The following LRMDA variants were observed in gnomAD, a reference collection of about 807,000 sequenced individuals.
LRMDA encodes the protein leucine-rich melanocyte differentiation-associated protein.
In LRMDA, 18 loss-of-function variants were observed where a neutral mutation model predicts 29.8. The ratio of observed to expected loss-of-function variants is 0.60; its 90% CI spans 0.42 to 0.90. The LOEUF (loss-of-function observed/expected upper bound fraction) is 0.90. LRMDA is among the 40% of genes least tolerant of loss of function. The pLI is 0.00. For synonymous variants in LRMDA, 125 were observed against 109.4 expected (o/e 1.14, Z -0.89); for missense variants, 273 against 273.9 (o/e 1.00, Z 0.02).
chr10:76,404,170 C>T (rs534191185), intron 6 of LRMDA, among the ~76,000 whole-genome samples: 4 of 152,242 alleles, frequency 2.6e-5, no homozygotes, highest in East Asian at 1.9e-4. Context: ...TCACATAGCA[C>T]GAGATAATTC....
chr10:75,553,190 T>C (rs1045152556), intron 2 of LRMDA, among the ~76,000 whole-genome samples: 1 of 152,140 alleles, frequency 6.6e-6, no homozygotes, highest in Non-Finnish European at 1.5e-5. Context: ...TGCTTGGAAA[T>C]GGAGACTCTT....
At position 76,376,865 on chromosome 10, in the gene LRMDA, CTTTTTTTTTTTTTTTTTTTTTTTTTTTTT is replaced by C. The variant is rs71024600; in HGVS notation, c.601+52390_601+52418del. Among the ~76,000 whole-genome samples, 2 of 47,374 alleles carry C rather than the reference CTTTTTTTTTTTTTTTTTTTTTTTTTTTTT, an allele frequency of 4.2e-5. 1 individual carries two copies. Among genetic ancestry groups the C allele is most frequent in the Admixed American group, 5.5e-4 (2 of 3,630 alleles). 31.1% of individuals were successfully genotyped at this position (47,374 alleles called of 152,430 possible). A position where few individuals can be genotyped will look rare whatever the true frequency, so the allele number is the denominator to read the frequency against. Reference sequence around the variant, plus strand: ...AAATGTTTGTTGGGCACTTGGAAGTCTTTTTTTTTTTTTTTTTTTTTTTTTTTTTTTTTTTTTTGAGACGTAGTCTCGCT... The same window carrying C: ...AAATGTTTGTTGGGCACTTGGAAGTCTTTTTTTTTGAGACGTAGTCTCGCT... On this transcript the variant is annotated intron_variant, in intron 6 of 6. Coordinates refer to ENST00000611255, the MANE Select transcript of LRMDA (RefSeq NM_001305581.2).
At chr10:75,758,717 T>A (rs181469345) in intron 2 of LRMDA, among the ~76,000 whole-genome samples, 178 of 152,338 alleles carry the variant, frequency 1.2e-3, no homozygotes, top group African/African-American at 3.9e-3. Flanking sequence ...GCATGGAGTG[T>A]GGAATAAAAA....
chr10:76,555,674 A>C (rs1338763421), intron 6 of LRMDA, among the ~76,000 whole-genome samples: 2 of 152,000 alleles, frequency 1.3e-5, no homozygotes, highest in East Asian at 1.9e-4. Flanking sequence ...GTGGAGAAAC[A>C]TCTCTTTTAC....
chr10:76,549,014 A>T (rs1411825579), intron 6 of LRMDA, among the ~76,000 whole-genome samples: 2 of 152,178 alleles, frequency 1.3e-5, no homozygotes, highest in African/African-American at 4.8e-5. Context: ...TCAGACTTGG[A>T]CCAGCTTTTC....
chr10:76,067,168 C>T (rs1005572436), intron 5 of LRMDA, among the ~76,000 whole-genome samples: 4 of 152,172 alleles, frequency 2.6e-5, no homozygotes, highest in African/African-American at 7.2e-5. Context: ...CACAACATCT[C>T]GAAAATGTTC....
intron 2 of LRMDA, among the ~76,000 whole-genome samples, chr10:75,808,798 A>G (rs972653563): frequency 6.6e-6 from 1 of 152,090 alleles, no homozygotes. Context: ...ATGAGCCACT[A>G]TGCCTGGCCT....
chr10:76,545,401 A>AC (rs1843408179), intron 6 of LRMDA, among the ~76,000 whole-genome samples: 2 of 150,758 alleles, frequency 1.3e-5, no homozygotes, highest in Non-Finnish European at 3.0e-5. Flanking sequence ...CTGCAGGAGG[A>AC]CCCCCACTGC....
At chr10:76,513,885 T>G (rs1843033771) in intron 6 of LRMDA, among the ~76,000 whole-genome samples, 1 of 151,936 alleles carries the variant, frequency 6.6e-6, no homozygotes, top group African/African-American at 2.4e-5. Context: ...GGTGACTGTT[T>G]GTGACACAAT....
chr10:75,764,061 C>T (rs984896087), intron 2 of LRMDA, among the ~76,000 whole-genome samples: 4 of 152,060 alleles, frequency 2.6e-5, no homozygotes, highest in Admixed American at 6.6e-5. Flanking sequence ...CATGGAGACC[C>T]GGCTGAGGGT....
chr10:75,819,981 T>TGTA, intron 2 of LRMDA, among the ~76,000 whole-genome samples: 1 of 152,188 alleles, frequency 6.6e-6, no homozygotes, highest in Non-Finnish European at 1.5e-5. Flanking sequence ...ATTCTAAATA[T>TGTA]ACATGCACCA....
chr10:76,486,476 T>G (rs1243058787), intron 6 of LRMDA, among the ~76,000 whole-genome samples: 2 of 152,008 alleles, frequency 1.3e-5, no homozygotes, highest in South Asian at 2.1e-4. Context: ...ATTCTGCATC[T>G]TATGCCATAT....
chr10:75,843,776 G>A (rs1844584882), intron 2 of LRMDA, among the ~76,000 whole-genome samples: 1 of 152,154 alleles, frequency 6.6e-6, no homozygotes, highest in Admixed American at 6.5e-5. Flanking sequence ...GAATCTTTAA[G>A]GTTGTTATAC....
At chr10:76,321,880 G>A (rs971315442) in intron 5 of LRMDA, among the ~76,000 whole-genome samples, 4 of 152,138 alleles carry the variant, frequency 2.6e-5, no homozygotes, top group African/African-American at 4.8e-5. Context: ...GGGAGGCAGC[G>A]GTTGCAGTGA....
chr10:75,667,683 C>T (rs992101908), intron 2 of LRMDA, among the ~76,000 whole-genome samples: 6 of 152,096 alleles, frequency 3.9e-5, no homozygotes, highest in African/African-American at 1.4e-4. Context: ...GGGCTTTGGG[C>T]CCTGTTCCTC....
At chr10:76,381,400 C>T (rs1841590509) in intron 6 of LRMDA, among the ~76,000 whole-genome samples, 1 of 152,050 alleles carries the variant, frequency 6.6e-6, no homozygotes, top group South Asian at 2.1e-4. Flanking sequence ...ATCACCAATA[C>T]CTGTACATAT....
At chr10:75,651,687 C>A (rs1841601558) in intron 2 of LRMDA, among the ~76,000 whole-genome samples, 1 of 152,190 alleles carries the variant, frequency 6.6e-6, no homozygotes, top group Non-Finnish European at 1.5e-5. Context: ...AACAGCACCT[C>A]CCGGTGGCCC....
At chr10:75,985,623 A>T (rs1435498803) in intron 2 of LRMDA, among the ~76,000 whole-genome samples, 2 of 152,236 alleles carry the variant, frequency 1.3e-5, no homozygotes, top group Non-Finnish European at 2.9e-5. Context: ...ATTGGGCCAC[A>T]TACCCACCAA....
At chr10:75,704,014 A>G (rs538333895) in intron 2 of LRMDA, among the ~76,000 whole-genome samples, 3 of 152,356 alleles carry the variant, frequency 2.0e-5, no homozygotes, top group Admixed American at 6.5e-5. Context: ...TATATTGGGT[A>G]ATAAGTTATT....
Sources: allele counts gnomAD v4.1 joint callset (sites outside exome capture counted in the v4.1 genomes callset), GRCh38; gene constraint gnomAD v4.1.1; transcripts MANE v1.5; gene names NCBI Gene and HGNC (gene_info 2026-07-23, HGNC 2026-07-21).